ZNF726: variants seen among roughly 807,000 people sequenced by gnomAD.
ZNF726 encodes zinc finger protein 726, also known as zinc finger protein 92 pseudogene 3.
Under a neutral mutation model 11.6 loss-of-function variants are expected in ZNF726, and 15 were observed. The observed-to-expected ratio is 1.29, with a 90% CI of 0.86 to 1.99. The LOEUF (loss-of-function observed/expected upper bound fraction) is 1.99. Ranked by LOEUF, ZNF726 falls within the 30% of genes most tolerant of loss-of-function variation. ZNF726 has a pLI of 0.00. For missense variants in ZNF726, 890 were observed against 725.6 expected (o/e 1.23, Z -2.60); for synonymous variants, 295 against 243.6 (o/e 1.21, Z -1.96).
At chr19:23,915,283 G>A (rs1321533456) in intron 1 of ZNF726, among the ~76,000 whole-genome samples, 3 of 152,144 alleles carry the variant, frequency 2.0e-5, no homozygotes, top group African/African-American at 7.2e-5. Flanking sequence ...GATTGTGCAG[G>A]GACCATGGGA....
Position 23,932,397 on chromosome 19 carries a change from C to T in ZNF726, c.281C>T (p.Ser94Phe). The change falls in exon 4 of 4, where the codon TCT (serine) becomes TTT (phenylalanine). Residue 94 changes from serine (S) to phenylalanine (F), a missense_variant. Transcript: ENST00000594466. Reference protein sequence around the residue: ...DIWPEQGVEDSFQKVILRRFE... With the variant: ...DIWPEQGVEDFFQKVILRRFE... ...TGGCCAGAGCAGGGCGTGGAAGATTCTTTTCAAAAAGTAATACTAAGAAGA... is the reference window on the plus strand; with the variant it reads ...TGGCCAGAGCAGGGCGTGGAAGATTTTTTTCAAAAAGTAATACTAAGAAGA... 1 of 1,523,608 alleles carries T rather than the reference C, an allele frequency of 6.6e-7. No homozygotes were observed. The highest frequency in any genetic ancestry group is 8.8e-7 in the Non-Finnish European group (1 of 1,141,854). 94.4% of individuals were successfully genotyped at this position (1,523,608 alleles called of 1,614,324 possible).
At chr19:23,929,872 A>G (rs1968068887) in intron 3 of ZNF726, among the ~76,000 whole-genome samples, 1 of 152,124 alleles carries the variant, frequency 6.6e-6, no homozygotes, top group Non-Finnish European at 1.5e-5. Context: ...AAATTTCTAT[A>G]TTTGTATATT....
At chr19:23,916,601 G>A (rs1308414846) in intron 1 of ZNF726, among the ~76,000 whole-genome samples, 5 of 152,146 alleles carry the variant, frequency 3.3e-5, no homozygotes, top group African/African-American at 1.2e-4. Context: ...AAAGAGCTGG[G>A]ATTACACATG....
At chr19:23,941,266 T>A (rs1968334039) in intron 3 of ZNF726, among the ~76,000 whole-genome samples, 1 of 152,224 alleles carries the variant, frequency 6.6e-6, no homozygotes, top group Admixed American at 6.5e-5. Context: ...ATTCTATTTA[T>A]GTGGTGTATC....
intron 3 of ZNF726, 179 bp downstream of exon 3, chr19:23,920,261 T>G: frequency 2.6e-6 from 1 of 383,022 alleles, no homozygotes; most frequent in Non-Finnish European, 4.9e-6. Flanking sequence ...TTATAAAATC[T>G]CTAAGAATTC....
chr19:23,943,326 AC>A (rs1490368989), intron 3 of ZNF726, among the ~76,000 whole-genome samples: 1 of 152,248 alleles, frequency 6.6e-6, no homozygotes, highest in Non-Finnish European at 1.5e-5. Context: ...AGAGCTACAG[AC>A]CCAGAAATGT....
At chr19:23,932,004 A>T (rs550784720) in intron 3 of ZNF726, among the ~76,000 whole-genome samples, 4 of 152,294 alleles carry the variant, frequency 2.6e-5, no homozygotes, top group African/African-American at 9.6e-5. Context: ...AGAAATGAAG[A>T]GTTTGCAATT....
At chr19:23,924,877 T>C (rs1224446826) in intron 3 of ZNF726, among the ~76,000 whole-genome samples, 2 of 148,480 alleles carry the variant, frequency 1.3e-5, no homozygotes, top group African/African-American at 5.0e-5. Context: ...GGGTGACAGA[T>C]TGAGACCTTG....
chr19:23,923,262 T>G (rs915309880), intron 3 of ZNF726, among the ~76,000 whole-genome samples: 1 of 152,162 alleles, frequency 6.6e-6, no homozygotes, highest in Non-Finnish European at 1.5e-5. Context: ...TTTTATTTTG[T>G]GTAAAAATAG....
chr19:23,933,195 G>C lies in ZNF726; in HGVS notation c.1079G>C (p.Arg360Thr), dbSNP rs1431233344. ...CAATTCGGACACCTTACTACACATA[G>C]GATAATTCATACTGGAGAGAAACCC... ...FSQFGHLTTH[R>T]IIHTGEKPYK... Residue 360 changes from arginine to threonine, a missense_variant, in exon 4 of 4, where the codon AGG (arginine) becomes ACG (threonine). Coordinates refer to ENST00000594466, the MANE Select transcript of ZNF726 (RefSeq NM_001244038.2). 3 of 1,584,648 alleles carry C rather than the reference G, an allele frequency of 1.9e-6. No homozygotes were observed. The highest frequency in any genetic ancestry group is 1.7e-4 in the Middle Eastern group (1 of 5,914).
At chr19:23,938,581 G>A (rs962343013), downstream of ZNF726, among the ~76,000 whole-genome samples, 13 of 140,716 alleles carry the variant, frequency 9.2e-5, no homozygotes, top group African/African-American at 3.4e-4. Context: ...TTGTTTGTTC[G>A]TTTAATAGTT....
rs749472223 is a variant in ZNF726, at chr19:23,932,580, A to C, written c.464A>C (p.Tyr155Ser). The C allele has an allele frequency of 6.5e-7, 1 of 1,544,832 alleles. No individual in the cohort carries two copies. Among genetic ancestry groups the C allele is most frequent in the Non-Finnish European group, 8.7e-7 (1 of 1,146,378 alleles). The change falls in exon 4 of 4, where the codon TAT (tyrosine) becomes TCT (serine). Residue 155 changes from tyrosine to serine, a missense_variant. Coordinates refer to ENST00000594466, the MANE Select transcript of ZNF726 (RefSeq NM_001244038.2). ...SQCGKYLKVF[Y>S]KFINLNRYKI... Reference sequence around the variant, plus strand: ...TGTGGTAAATATTTGAAAGTCTTTTATAAATTTATAAATTTAAACAGATAT... The same window carrying C: ...TGTGGTAAATATTTGAAAGTCTTTTCTAAATTTATAAATTTAAACAGATAT...
chr19:23,932,290 CTA>C (rs1968122651), intron 3 of ZNF726, 51 bp from the exon 4 acceptor site: 1 of 1,207,244 alleles, frequency 8.3e-7, no homozygotes, highest in Non-Finnish European at 1.1e-6. Context: ...GATTTTTAAA[CTA>C]TATTTATGTC....
intron 3 of ZNF726, among the ~76,000 whole-genome samples, chr19:23,941,761 A>C (rs1404453954): frequency 6.6e-6 from 1 of 152,084 alleles, no homozygotes; most frequent in Non-Finnish European, 1.5e-5. Flanking sequence ...ATGTGTGTAA[A>C]GGTGTTCATA....
At chr19:23,939,428 G>A (rs371443423), downstream of ZNF726, among the ~76,000 whole-genome samples, 33 of 152,232 alleles carry the variant, frequency 2.2e-4, 1 homozygote, top group South Asian at 5.0e-3. Flanking sequence ...CTGGAAATAT[G>A]GATGTTCAAG....
At position 23,914,933 on chromosome 19, in the gene ZNF726, G is replaced by A; in HGVS notation, c.-62G>A. The A allele has an allele frequency of 1.9e-6, 3 of 1,611,672 alleles. No homozygotes were observed. The highest frequency in any genetic ancestry group is 2.5e-6 in the Non-Finnish European group (3 of 1,179,434). Reference sequence around the variant, plus strand: ...CCAGGTCTCGTCCTCACTACTCTGTGTCTTCTGCTTTTAGGGGCGCAGCCT... The same window carrying A: ...CCAGGTCTCGTCCTCACTACTCTGTATCTTCTGCTTTTAGGGGCGCAGCCT... On this transcript the variant is annotated 5_prime_UTR_variant, in exon 1 of 4. Transcript: ENST00000594466.
At chr19:23,924,754 A>G (rs947962509) in intron 3 of ZNF726, among the ~76,000 whole-genome samples, 1 of 152,096 alleles carries the variant, frequency 6.6e-6, no homozygotes, top group Non-Finnish European at 1.5e-5. Context: ...ATAGCAAGGC[A>G]TGGTGGTGTG....
At chr19:23,942,170 A>T (rs1011730650) in intron 3 of ZNF726, among the ~76,000 whole-genome samples, 2 of 152,060 alleles carry the variant, frequency 1.3e-5, no homozygotes, top group Non-Finnish European at 2.9e-5. Flanking sequence ...CATTATTGTC[A>T]TTCAGTTTGA....
intron 2 of ZNF726, chr19:23,919,759 T>C (rs968531388): frequency 8.5e-6 from 4 of 471,994 alleles, no homozygotes; most frequent in African/African-American, 8.3e-5. Flanking sequence ...ATTCACACCT[T>C]AAAATCCAAG....
Sources: gnomAD v4.1 joint callset for allele counts (sites outside exome capture counted in the v4.1 genomes callset) on GRCh38, gnomAD v4.1.1 for gene constraint, MANE v1.5 for transcripts, NCBI Gene and HGNC (gene_info 2026-07-23, HGNC 2026-07-21) for gene names.